The following PCLO variants were observed in gnomAD, a reference collection of about 807,000 sequenced individuals.
PCLO encodes the protein protein piccolo.
A neutral mutation model predicts 427.5 loss-of-function variants in PCLO; 82 were observed. The observed-to-expected ratio is 0.19, with a 90% confidence interval of 0.16 to 0.23. The LOEUF (loss-of-function observed/expected upper bound fraction) is 0.23, where lower values mean the gene tolerates loss of function less well. Among genes scored for constraint, PCLO ranks in the 10% least tolerant of loss-of-function variants. The pLI is 1.00. For missense variants in PCLO, 6,239 were observed against 6,115.9 expected (o/e 1.02, Z -0.67); for synonymous variants, 2,357 against 2,155.4 (o/e 1.09, Z -2.59).
At chr7:82,846,016 T>C (rs1390836821) in intron 12 of PCLO, among the ~76,000 whole-genome samples, 1 of 152,078 alleles carries the variant, frequency 6.6e-6, no homozygotes, top group Non-Finnish European at 1.5e-5. Context: ...TTATTAAACA[T>C]AGGAAAAAGT....
At chr7:82,844,364 T>C (rs539567383) in intron 13 of PCLO, among the ~76,000 whole-genome samples, 1 of 152,310 alleles carries the variant, frequency 6.6e-6, no homozygotes, top group South Asian at 2.1e-4. Flanking sequence ...CTATATTTAG[T>C]TTCAAACAAA....
chr7:82,860,476 T>C lies in PCLO; in HGVS notation c.13655-13229A>G, dbSNP rs1163195944. On this transcript the variant is annotated intron_variant, in intron 10 of 24. Coordinates refer to ENST00000333891, the MANE Select transcript of PCLO (RefSeq NM_033026.6). The stretch of plus-strand genomic sequence containing the variant: ...GTCTGGTAAAAATACCCTTCAAACA[T>C]GAAGGAGAAATAAATACTTAACCCA... Among the ~76,000 whole-genome samples the C allele has an allele frequency of 2.0e-5, 3 of 151,860 alleles. No homozygotes were observed. The East Asian group carries it at 5.8e-4, about 29-fold the overall frequency.
At chr7:82,873,817 T>C (rs1043036445) in intron 10 of PCLO, among the ~76,000 whole-genome samples, 10 of 134,050 alleles carry the variant, frequency 7.5e-5, no homozygotes, top group African/African-American at 2.2e-4. Flanking sequence ...TAGTTCTAGA[T>C]TGGGGGGGTG....
chr7:83,016,219 T>G lies in PCLO; in HGVS notation c.3301-49732A>C, dbSNP rs371471480. ...GCAGTGATGCCAAAATCAGGAAATGTCAAAATAAAATTGAATAATGCACAC... is the reference window on the plus strand; with the variant it reads ...GCAGTGATGCCAAAATCAGGAAATGGCAAAATAAAATTGAATAATGCACAC... On this transcript the variant is annotated intron_variant, in intron 3 of 24. Coordinates refer to ENST00000333891, the MANE Select transcript of PCLO (RefSeq NM_033026.6). 3.9e-5 allele frequency among the ~76,000 whole-genome samples: 6 copies of G among 152,022 alleles called. No homozygotes were observed. The East Asian group carries it at 1.2e-3, about 29-fold the overall frequency.
In PCLO at chr7:83,016,270, A is replaced by C. The variant is rs111921024; in HGVS notation, c.3301-49783T>G. ...AGGTTGAGTAAAATGGGGGAAAAAAAAACAACGTGTGCAAATAGTAACCTG... is the reference window on the plus strand; with the variant it reads ...AGGTTGAGTAAAATGGGGGAAAAAACAACAACGTGTGCAAATAGTAACCTG... On this transcript the variant is annotated intron_variant, in intron 3 of 24. Transcript: ENST00000333891. Among the ~76,000 whole-genome samples the C allele has an allele frequency of 8.3e-3, 1,265 of 152,276 alleles. 13 individuals carry two copies. The highest frequency in any genetic ancestry group is 0.029 in the African/African-American group (1,196 of 41,562).
In PCLO at chr7:82,821,653, T is replaced by C. The variant is rs924672076; in HGVS notation, c.14791+842A>G. The C allele has an allele frequency of 4.1e-6, 4 of 970,028 alleles. No individual in the cohort carries two copies. In the African/African-American group the frequency reaches 7.0e-5, roughly 17 times the overall value. The allele number at this position is 970,028 out of a possible 1,614,324, so 60.1% of individuals were successfully genotyped here. A position where few individuals can be genotyped will look rare whatever the true frequency, so the allele number is the denominator to read the frequency against. On this transcript the variant is annotated intron_variant, in intron 20 of 24. Transcript: ENST00000333891. ...ATGAAAATACAGCAGTTAAGATAGG[T>C]CAATTGTTATACTTTGATTGACTTA...
chr7:82,794,467 T>G lies in PCLO; in HGVS notation c.15007+7051A>C, dbSNP rs1259503300. 8.2e-4 allele frequency among the ~76,000 whole-genome samples: 61 copies of G among 74,396 alleles called. 3 individuals carry two copies. The highest frequency in any genetic ancestry group is 1.0e-3 in the African/African-American group (14 of 13,952). The allele number at this position is 74,396 out of a possible 152,430, so 48.8% of individuals were successfully genotyped here. ...GTTCATAAATTTTTTTTCTTTTTTT[T>G]TTTTTTTTTTTTTTTTTTTTTTGAG... is the stretch of plus-strand genomic sequence containing the variant. On this transcript the variant is annotated intron_variant, in intron 22 of 24. Transcript: ENST00000333891.
rs140099150 is a variant in PCLO, at chr7:82,778,869, A to G, written c.15008-17376T>C. Among the ~76,000 whole-genome samples the G allele has an allele frequency of 1.6e-3, 248 of 152,058 alleles. 1 individual carries two copies. The highest frequency in any genetic ancestry group is 5.7e-3 in the African/African-American group (238 of 41,534). The stretch of plus-strand genomic sequence containing the variant: ...GCTGTACTAAAATATTTTATGTAAT[A>G]TTATACTTGATAACTAGAAACAGCT... On this transcript the variant is annotated intron_variant, in intron 22 of 24. Transcript: ENST00000333891.
intron 10 of PCLO, among the ~76,000 whole-genome samples, chr7:82,854,212 C>A (rs1380113827): frequency 6.6e-6 from 1 of 152,004 alleles, no homozygotes; most frequent in Non-Finnish European, 1.5e-5. Context: ...TACTGAGTTT[C>A]TTTTCTCTCG....
intron 3 of PCLO, among the ~76,000 whole-genome samples, chr7:83,037,989 T>A (rs568114052): frequency 5.1e-4 from 7 of 13,594 alleles, no homozygotes; most frequent in South Asian, 4.1e-3. Flanking sequence ...AAGGAGGAGC[T>A]TATATATATA....
Position 82,941,279 on chromosome 7 carries a change from T to C in PCLO, c.11112+8197A>G, listed in dbSNP as rs1002493215. 6.6e-5 allele frequency among the ~76,000 whole-genome samples: 10 copies of C among 152,288 alleles called. No homozygotes were observed. In the East Asian group the frequency reaches 1.9e-3, roughly 29 times the overall value. The stretch of plus-strand genomic sequence containing the variant: ...AACATACAATTATGTTGTTACTGTC[T>C]ATAGTCACCTACTATGTACCCACAT... On this transcript the variant is annotated intron_variant, in intron 6 of 24. Transcript: ENST00000333891.
chr7:83,110,073 T>C (rs1433395396), intron 3 of PCLO, among the ~76,000 whole-genome samples: 1 of 151,024 alleles, frequency 6.6e-6, no homozygotes, highest in Non-Finnish European at 1.5e-5. Flanking sequence ...GCTTGGAACC[T>C]GGCCCCCAAG....
chr7:82,836,979 G>A (rs550967099), intron 15 of PCLO, among the ~76,000 whole-genome samples: 170 of 152,110 alleles, frequency 1.1e-3, no homozygotes, highest in African/African-American at 4.0e-3. Context: ...TACTTGAAGG[G>A]AATATGTAAT....
intron 16 of PCLO, among the ~76,000 whole-genome samples, chr7:82,833,204 T>C (rs1321659858): frequency 6.6e-6 from 1 of 152,188 alleles, no homozygotes; most frequent in Non-Finnish European, 1.5e-5. Context: ...AATAGTTTGA[T>C]AGGATACCAA....
chr7:82,877,455 G>A (rs1793400043), intron 10 of PCLO, among the ~76,000 whole-genome samples: 1 of 152,058 alleles, frequency 6.6e-6, no homozygotes, highest in East Asian at 1.9e-4. Context: ...TTAAAAATGG[G>A]TCTTAATTTA....
chr7:83,134,577 T>C lies in PCLO; in HGVS notation c.2973A>G (p.Ala991=). 3 of 1,613,984 alleles carry C rather than the reference T, an allele frequency of 1.9e-6. No individual in the cohort carries two copies. The highest frequency in any genetic ancestry group is 2.5e-6 in the Non-Finnish European group (3 of 1,179,884). ...KSTGQAPPAP[A]KSIPVKKETK... The stretch of plus-strand genomic sequence containing the variant: ...TTTCCTTTTTCACAGGTATACTTTT[T>C]GCAGGTGCTGGTGGTGCTTGACCTG... The change falls in exon 3 of 25, where the codon GCA becomes GCG. Residue 991 remains alanine (A), a synonymous_variant. Transcript: ENST00000333891.
chr7:82,950,466 G>A lies in PCLO; in HGVS notation c.10122C>T (p.Tyr3374=). The change falls in exon 6 of 25, where the codon TAC becomes TAT. Residue 3374 remains tyrosine (Y), a synonymous_variant. Transcript: ENST00000333891. ...AIEIPQSQGW[Y]TVQSDGVTQY... is the part of the protein sequence containing the mutation. ...GAGTAACACCATCAGACTGAACGGTGTACCATCCTTGGCTTTGTGGTATTT... is the reference window on the plus strand; with the variant it reads ...GAGTAACACCATCAGACTGAACGGTATACCATCCTTGGCTTTGTGGTATTT... The A allele has an allele frequency of 6.2e-7, 1 of 1,613,748 alleles. No individual in the cohort carries two copies. Among genetic ancestry groups the A allele is most frequent in the Non-Finnish European group, 8.5e-7 (1 of 1,179,844 alleles).
chr7:83,117,358 T>C (rs1427823038), intron 3 of PCLO, among the ~76,000 whole-genome samples: 1 of 152,194 alleles, frequency 6.6e-6, no homozygotes, highest in Non-Finnish European at 1.5e-5. Flanking sequence ...GGGTGCACTT[T>C]CAATTTTCAC....
chr7:83,010,672 T>A (rs1449845637), intron 3 of PCLO, among the ~76,000 whole-genome samples: 1 of 151,614 alleles, frequency 6.6e-6, no homozygotes, highest in South Asian at 2.1e-4. Context: ...CTAACTTTTC[T>A]CCCTCCCTCC....
Sources: gnomAD v4.1 joint callset for allele counts (sites outside exome capture counted in the v4.1 genomes callset) on GRCh38, gnomAD v4.1.1 for gene constraint, MANE v1.5 for transcripts, NCBI Gene and HGNC (gene_info 2026-07-23, HGNC 2026-07-21) for gene names.